Variants in ATP6V1E2 observed in about 807,000 individuals in gnomAD.
The protein encoded by ATP6V1E2 is ATPase H+ transporting V1 subunit E2.
For synonymous variants in ATP6V1E2, 121 were observed against 104.2 expected, an observed-to-expected ratio of 1.16 and a Z score of -0.98; for missense variants, 308 against 273.3, an observed-to-expected ratio of 1.13 and a Z score of -0.90.
chr2:46,512,836 A>C, intron 4 of ATP6V1E2, 24 bp from the exon 5 acceptor site: 3 of 813,506 alleles, frequency 3.7e-6, no homozygotes, highest in Non-Finnish European at 5.7e-6. Context: ...CAAGAGGATG[A>C]AAGAGAAAGT....
At chr2:46,527,145 C>A (rs1382996554) in intron 4 of ATP6V1E2, among the ~76,000 whole-genome samples, 1 of 152,094 alleles carries the variant, frequency 6.6e-6, no homozygotes. Context: ...GCCTCAAACT[C>A]CTGGCTCAAG....
chr2:46,521,926 G>A (rs996354068), intron 4 of ATP6V1E2, among the ~76,000 whole-genome samples: 3 of 130,318 alleles, frequency 2.3e-5, no homozygotes, highest in Non-Finnish European at 3.3e-5. Flanking sequence ...TCCTGACCTC[G>A]TGATCCACCC....
chr2:46,513,312 G>C (rs114168128), intron 4 of ATP6V1E2, among the ~76,000 whole-genome samples: 1 of 152,168 alleles, frequency 6.6e-6, no homozygotes, highest in Non-Finnish European at 1.5e-5. Flanking sequence ...ACCTTGGAGA[G>C]ATGAGACTTG....
chr2:46,540,010 A>G (rs1667649235), intron 2 of ATP6V1E2, among the ~76,000 whole-genome samples: 1 of 152,242 alleles, frequency 6.6e-6, no homozygotes, highest in South Asian at 2.1e-4. Context: ...TCCCCAGCCC[A>G]GGAATAAAAT....
chr2:46,512,008 C>A lies in ATP6V1E2; in HGVS notation c.*23G>T, dbSNP rs753881962. On this transcript the variant is annotated 3_prime_UTR_variant, in exon 5 of 5. Coordinates refer to ENST00000522587, the MANE Select transcript of ATP6V1E2 (RefSeq NM_001318063.2). The stretch of plus-strand genomic sequence containing the variant: ...AAACTTTTATGGTTTAGTGGTTCAA[C>A]ACTAGCTTCACTTCCCAGAGGCTTA... The A allele has an allele frequency of 2.6e-6, 4 of 1,543,676 alleles. No individual in the cohort carries two copies. Among genetic ancestry groups the A allele is most frequent in the Non-Finnish European group, 3.5e-6 (4 of 1,149,258 alleles).
intron 2 of ATP6V1E2, among the ~76,000 whole-genome samples, chr2:46,539,424 T>G (rs1667606785): frequency 6.6e-6 from 1 of 152,230 alleles, no homozygotes; most frequent in Non-Finnish European, 1.5e-5. Context: ...GAAGTCACAT[T>G]TGTGGTAAGA....
chr2:46,525,307 A>G (rs1043295491), intron 4 of ATP6V1E2, among the ~76,000 whole-genome samples: 2 of 150,866 alleles, frequency 1.3e-5, no homozygotes, highest in Non-Finnish European at 3.0e-5. Flanking sequence ...CTAAAAATTC[A>G]AAAAATTAGC....
chr2:46,527,529 T>A (rs904784992), intron 4 of ATP6V1E2, among the ~76,000 whole-genome samples: 51 of 152,218 alleles, frequency 3.4e-4, no homozygotes, highest in African/African-American at 1.1e-3. Flanking sequence ...CTAGTCCAAC[T>A]AATTTTTAAA....
At position 46,517,444 on chromosome 2, in the gene ATP6V1E2, CAG is replaced by C. The variant is rs567766194; in HGVS notation, c.-101-4634_-101-4633del. Among the ~76,000 whole-genome samples the C allele has an allele frequency of 8.7e-4, 133 of 152,212 alleles. 1 individual carries two copies. The highest frequency in any genetic ancestry group is 3.1e-3 in the African/African-American group (127 of 41,520). On this transcript the variant is annotated intron_variant, in intron 4 of 4. Transcript: ENST00000522587. ...CTTGCCAATGATTTCTTGGATATGA[CAG>C]AGAAAGCACAGACAACAAAAGCAAA...
chr2:46,513,692 G>A (rs923746641), intron 4 of ATP6V1E2, among the ~76,000 whole-genome samples: 3 of 152,020 alleles, frequency 2.0e-5, no homozygotes, highest in Admixed American at 6.6e-5. Flanking sequence ...AGGCTTGGTG[G>A]CACGTGTCTG....
chr2:46,531,891 T>C (rs1667200081), intron 4 of ATP6V1E2, among the ~76,000 whole-genome samples: 1 of 152,240 alleles, frequency 6.6e-6, no homozygotes, highest in African/African-American at 2.4e-5. Context: ...TATTTGTCAT[T>C]TTATTGTTGA....
At position 46,530,070 on chromosome 2, in the gene ATP6V1E2, A is replaced by G. The variant is rs1667113488; in HGVS notation, c.-102+5743T>C. ...TGAAGGATATCCCTGACTGTAAGGC[A>G]TCTGCTGGAAATTCCCACCTTTAAC... is the stretch of plus-strand genomic sequence containing the variant. On this transcript the variant is annotated intron_variant, in intron 4 of 4. Transcript: ENST00000522587. This position sits in a 1 kb window ranked among gnomAD's most constrained non-coding sequence, Gnocchi z 5.2. 6.6e-6 allele frequency among the ~76,000 whole-genome samples: 1 copy of G among 152,190 alleles called. No individual in the cohort carries two copies. Among genetic ancestry groups the G allele is most frequent in the Non-Finnish European group, 1.5e-5 (1 of 68,030 alleles).
intron 4 of ATP6V1E2, among the ~76,000 whole-genome samples, chr2:46,528,807 C>T (rs1252699243): frequency 1.3e-5 from 2 of 152,270 alleles, no homozygotes; most frequent in Non-Finnish European, 2.9e-5. Flanking sequence ...GTTGTCCTCA[C>T]AGTGGAGCTG....
At chr2:46,540,281 G>T (rs1003321262) in intron 2 of ATP6V1E2, among the ~76,000 whole-genome samples, 22 of 151,916 alleles carry the variant, frequency 1.4e-4, no homozygotes, top group Admixed American at 1.4e-3. Context: ...AATTAGCTAG[G>T]CATGATGGCA....
chr2:46,515,416 A>C (rs1687668554), intron 4 of ATP6V1E2, among the ~76,000 whole-genome samples: 1 of 152,226 alleles, frequency 6.6e-6, no homozygotes, highest in African/African-American at 2.4e-5. Context: ...GATTGAAGTT[A>C]ATTCATCAGC....
intron 2 of ATP6V1E2, among the ~76,000 whole-genome samples, chr2:46,540,755 C>T (rs914860607): frequency 5.3e-5 from 8 of 151,586 alleles, no homozygotes; most frequent in Non-Finnish European, 8.8e-5. Context: ...TGGATAGCCC[C>T]CCTCCCCATC....
At chr2:46,514,285 A>G (rs1421659249) in intron 4 of ATP6V1E2, among the ~76,000 whole-genome samples, 1 of 140,170 alleles carries the variant, frequency 7.1e-6, no homozygotes, top group Admixed American at 7.1e-5. Context: ...GTCTCAAAAA[A>G]ATAAATAAAT....
intron 4 of ATP6V1E2, among the ~76,000 whole-genome samples, chr2:46,518,018 G>T (rs1017342681): frequency 5.3e-5 from 8 of 152,116 alleles, no homozygotes; most frequent in African/African-American, 1.9e-4. Context: ...CAAAAGAACT[G>T]AAAATAGAAT....
In ATP6V1E2 at chr2:46,537,373, C is replaced by G. The variant is rs1215652336; in HGVS notation, c.-309-670G>C. On this transcript the variant is annotated intron_variant, in intron 2 of 4. Coordinates refer to ENST00000522587, the MANE Select transcript of ATP6V1E2 (RefSeq NM_001318063.2). ...AACAGTCACCTGACAGTTTACTACCCACCATGACTGGTTCAGGGATGAACT... is the reference window on the plus strand; with the variant it reads ...AACAGTCACCTGACAGTTTACTACCGACCATGACTGGTTCAGGGATGAACT... 6 of 152,300 alleles carry G rather than the reference C, an allele frequency of 3.9e-5. No homozygotes were observed. The East Asian group carries it at 1.2e-3, about 29-fold the overall frequency. The allele number at this position is 152,300 out of a possible 1,614,324, so 9.4% of individuals were successfully genotyped here. A position where few individuals can be genotyped will look rare whatever the true frequency, so the allele number is the denominator to read the frequency against.
Sources: allele counts gnomAD v4.1 joint callset (sites outside exome capture counted in the v4.1 genomes callset), GRCh38; gene constraint gnomAD v4.1.1; non-coding constraint Gnocchi (gnomAD v3.1); transcripts MANE v1.5; gene names NCBI Gene and HGNC (gene_info 2026-07-23, HGNC 2026-07-21).